The following DNAH14 variants were observed in gnomAD, a reference collection of about 807,000 sequenced individuals.
DNAH14 encodes axonemal beta dynein heavy chain 14.
Under a neutral mutation model 520.9 loss-of-function variants are expected in DNAH14, and 478 were observed. The ratio of observed to expected loss-of-function variants is 0.92; its 90% CI spans 0.85 to 0.99. The LOEUF is 0.99. Among genes scored for constraint, DNAH14 ranks in the 50% least tolerant of loss-of-function variants. The pLI is 0.00. For synonymous variants in DNAH14, 1,581 were observed against 1,757.2 expected (o/e 0.90, Z 2.51); for missense variants, 4,831 against 5,234.5 (o/e 0.92, Z 2.38).
chr1:224,966,199 T>C (rs2125592770), intron 5 of DNAH14, among the ~76,000 whole-genome samples: 1 of 152,254 alleles, frequency 6.6e-6, no homozygotes, highest in Non-Finnish European at 1.5e-5. Flanking sequence ...GGATTTAATA[T>C]TGATTATATT....
chr1:225,195,854 TA>T (rs1453346156), intron 38 of DNAH14, among the ~76,000 whole-genome samples: 2 of 152,106 alleles, frequency 1.3e-5, no homozygotes, highest in East Asian at 3.9e-4. Context: ...ACAATATTGA[TA>T]GTGAATATTT....
chr1:224,984,238 G>C (rs1324478767), intron 8 of DNAH14, among the ~76,000 whole-genome samples: 2 of 152,038 alleles, frequency 1.3e-5, no homozygotes, highest in African/African-American at 2.4e-5. Context: ...AAATAAACCT[G>C]AATACTTACA....
chr1:225,354,769 G>GA (rs2150500562), intron 73 of DNAH14, among the ~76,000 whole-genome samples: 1 of 152,158 alleles, frequency 6.6e-6, no homozygotes, highest in African/African-American at 2.4e-5. Flanking sequence ...TTAGTGAAGG[G>GA]AAAATCTCTC....
chr1:224,970,560 G>A (rs147792585), intron 7 of DNAH14, among the ~76,000 whole-genome samples: 265 of 152,234 alleles, frequency 1.7e-3, no homozygotes, highest in Non-Finnish European at 2.9e-3. Flanking sequence ...GGAACCTGCC[G>A]ACATGTGATG....
chr1:224,968,946 C>T, intron 7 of DNAH14, 72 bp downstream of exon 7: 1 of 1,001,782 alleles, frequency 1.0e-6, no homozygotes, highest in South Asian at 1.6e-5. Context: ...TGAGTGACAT[C>T]TGGGTTCTAC....
intron 32 of DNAH14, 132 bp from the exon 33 acceptor site, chr1:225,152,565 T>C (rs773463991): frequency 3.5e-6 from 3 of 866,314 alleles, no homozygotes; most frequent in Non-Finnish European, 5.1e-6. Flanking sequence ...ATAAAAACTA[T>C]CTTGTAAACT....
In DNAH14 at chr1:225,340,595, TCATTTAGAAGATCAACGTTC is replaced by T; in HGVS notation, c.10575_10594del (p.His3525GlnfsTer9). 6.4e-7 allele frequency: 1 copy of T among 1,551,472 alleles called. No individual in the cohort carries two copies. The highest frequency in any genetic ancestry group is 2.4e-5 in the East Asian group (1 of 40,844). ...CTACTGTGGTAACTCATGAAGTTCC[TCATTTAGAAGATCAACGTTC>T]CAAGTTACTGGAGAGTATTTCCCTT... On this transcript the variant is annotated frameshift_variant, in exon 69 of 86. Coordinates refer to ENST00000682510, the MANE Select transcript of DNAH14 (RefSeq NM_001367479.1). LOFTEE classifies it high-confidence loss of function.
At chr1:225,132,408 C>G (rs889667458) in intron 27 of DNAH14, among the ~76,000 whole-genome samples, 1 of 151,952 alleles carries the variant, frequency 6.6e-6, no homozygotes, top group Admixed American at 6.6e-5. Flanking sequence ...TGCCACCCCC[C>G]ACCCCATGTG....
At chr1:225,002,712 C>T (rs2063856204) in intron 8 of DNAH14, 71 bp from the exon 9 acceptor site, 1 of 1,398,392 alleles carries the variant, frequency 7.2e-7, no homozygotes, top group Non-Finnish European at 9.8e-7. Context: ...CTAAACCACA[C>T]TACTTACCTC....
chr1:225,151,292 A>G (rs2080476972), intron 31 of DNAH14, among the ~76,000 whole-genome samples: 1 of 151,854 alleles, frequency 6.6e-6, no homozygotes, highest in African/African-American at 2.4e-5. Context: ...AAACTGTTAA[A>G]GCTAGTATTA....
At chr1:225,199,794 A>G (rs2086586019) in intron 38 of DNAH14, among the ~76,000 whole-genome samples, 1 of 152,192 alleles carries the variant, frequency 6.6e-6, no homozygotes, top group Non-Finnish European at 1.5e-5. Context: ...TGCACTGATG[A>G]ATAGAATGTA....
rs2094272804 is a variant in DNAH14 at position 225,307,565 on chromosome 1, C to A, written c.9110C>A (p.Thr3037Lys). The A allele has an allele frequency of 6.5e-7, 1 of 1,534,338 alleles. No homozygotes were observed. The highest frequency in any genetic ancestry group is 2.2e-5 in the Admixed American group (1 of 44,722). ...CTTGGCCCTCAAGTAGAACAAAAAA[C>A]AAAGGTATGTTTGCTTTGAAATCTC... ...LILGPQVEQK[T>K]KETETLMEKL... The change falls in exon 59 of 86, where the codon ACA becomes AAA. Residue 3037 changes from threonine to lysine, a missense_variant. By Grantham distance (78) the Thr-to-Lys change is moderately conservative. Transcript: ENST00000682510.
intron 17 of DNAH14, 104 bp downstream of exon 17, chr1:225,051,899 A>C: frequency 9.9e-6 from 8 of 804,894 alleles, no homozygotes; most frequent in Non-Finnish European, 1.5e-5. Context: ...TCACATGCAG[A>C]GTATGATAAA....
chr1:224,947,177 G>A (rs1182869932), intron 1 of DNAH14, among the ~76,000 whole-genome samples: 5 of 151,952 alleles, frequency 3.3e-5, no homozygotes, highest in South Asian at 2.1e-4. Context: ...CTTGGCCTCC[G>A]AAAGTGCTGG....
At chr1:225,091,179 G>A (rs147011827) in intron 21 of DNAH14, among the ~76,000 whole-genome samples, 171 of 152,180 alleles carry the variant, frequency 1.1e-3, no homozygotes, top group African/African-American at 4.0e-3. Context: ...TCAGGATATT[G>A]TTCATGAAAA....
rs2075384557 is a variant in DNAH14, at chr1:225,100,859, T to C, written c.3842T>C (p.Leu1281Pro). The C allele has an allele frequency of 6.6e-7, 1 of 1,513,026 alleles. No individual in the cohort carries two copies. Among genetic ancestry groups the C allele is most frequent in the East Asian group, 2.5e-5 (1 of 39,680 alleles). The allele number at this position is 1,513,026 out of a possible 1,614,324, so 93.7% of individuals were successfully genotyped here. A position where few individuals can be genotyped will look rare whatever the true frequency, so the allele number is the denominator to read the frequency against. ...LEILQNCNIH[L>P]EHIKKSLEDY... is the part of the protein sequence containing the mutation. ...ATTCTGCAAAATTGTAATATACATC[T>C]TGAACATATAAAGAAAAGCCTTGAG... The change falls in exon 23 of 86, where the codon CTT (leucine) becomes CCT (proline). Residue 1281 changes from leucine to proline, a missense_variant. Leu to Pro is a moderately conservative substitution (Grantham distance 98). Transcript: ENST00000682510.
At chr1:225,374,266 ATATATT>A (rs1389119129) in intron 77 of DNAH14, among the ~76,000 whole-genome samples, 1,284 of 32,920 alleles carry the variant, frequency 0.039, 16 homozygotes, top group Non-Finnish European at 0.069. Context: ...ATATATATAT[ATATATT>A]TTTTTTTGAG....
chr1:225,117,965 A>G lies in DNAH14; in HGVS notation c.4057A>G (p.Ile1353Val), dbSNP rs928053720. The G allele has an allele frequency of 5.0e-5, 77 of 1,551,246 alleles. 1 individual carries two copies. Among genetic ancestry groups the G allele is most frequent in the Middle Eastern group, 3.3e-4 (2 of 6,014 alleles). ...TGGCCCTCCTGCTGTAAAAATGCTA[A>G]TATCTGCTGAAGGGGAAGGTCTCGT... Reference protein sequence around the residue: ...DIGPPAVKMLISAEGEGLVLP... With the variant: ...DIGPPAVKMLVSAEGEGLVLP... The change falls in exon 25 of 86, where the codon ATA (isoleucine) becomes GTA (valine). Residue 1353 changes from isoleucine to valine, a missense_variant. Transcript: ENST00000682510.
intron 9 of DNAH14, among the ~76,000 whole-genome samples, chr1:225,006,660 T>C (rs1031968200): frequency 2.6e-5 from 4 of 152,226 alleles, no homozygotes; most frequent in African/African-American, 9.6e-5. Context: ...TCTCAAACCC[T>C]GTTTCCTCTT....
Sources: gnomAD v4.1 joint callset for allele counts (sites outside exome capture counted in the v4.1 genomes callset) on GRCh38, gnomAD v4.1.1 for gene constraint, MANE v1.5 for transcripts, NCBI Gene and HGNC (gene_info 2026-07-23, HGNC 2026-07-21) for gene names.